MCM6: variants seen among roughly 807,000 people sequenced by gnomAD.
MCM6 encodes the protein minichromosome maintenance complex component 6, also known as DNA replication licensing factor MCM6.
A neutral mutation model predicts 94.3 loss-of-function variants in MCM6; 46 were observed. The ratio of observed to expected loss-of-function variants is 0.49; its 90% confidence interval spans 0.39 to 0.62. The LOEUF (loss-of-function observed/expected upper bound fraction) is 0.62. Ranked by LOEUF, MCM6 falls within the 20% of genes least tolerant of loss-of-function variation. The pLI is 0.00. For missense variants in MCM6, 865 were observed against 1,017.9 expected, an observed-to-expected ratio of 0.85 and a Z score of 2.04; for synonymous variants, 335 against 351.9, an observed-to-expected ratio of 0.95 and a Z score of 0.54.
intron 16 of MCM6, among the ~76,000 whole-genome samples, chr2:135,841,335 A>AC (rs4988279): frequency 0.98 from 149,474 of 152,324 alleles, 73,390 homozygotes; most frequent in East Asian, 1. Context: ...ATTTTTAATT[A>AC]TGACCACTGA....
At chr2:135,846,723 G>C (rs1575358091) in intron 14 of MCM6, among the ~76,000 whole-genome samples, 2 of 152,056 alleles carry the variant, frequency 1.3e-5, no homozygotes, top group African/African-American at 4.8e-5. Context: ...AAATAAACCG[G>C]CTAGGTGCAG....
chr2:135,867,164 T>C (rs2105589572), intron 4 of MCM6, among the ~76,000 whole-genome samples: 1 of 152,360 alleles, frequency 6.6e-6, no homozygotes, highest in East Asian at 1.9e-4. Context: ...TTTTTTACTA[T>C]GTATTTGAAC....
At chr2:135,872,443 C>T (rs866563186) in intron 2 of MCM6, among the ~76,000 whole-genome samples, 1 of 150,092 alleles carries the variant, frequency 6.7e-6, no homozygotes, top group South Asian at 2.1e-4. Flanking sequence ...GAGCAAGACT[C>T]CGTCTCAAAA....
chr2:135,856,651 G>A (rs1477386194), intron 11 of MCM6, 77 bp downstream of exon 11: 1 of 1,468,978 alleles, frequency 6.8e-7, no homozygotes, highest in South Asian at 1.3e-5. Context: ...TGCACCAGCT[G>A]TTGAGCAGTG....
Position 135,862,748 on chromosome 2 carries a change from C to T in MCM6, c.1079G>A (p.Gly360Asp), listed in dbSNP as rs1406840004. Residue 360 changes from glycine to aspartate, a missense_variant and splice_region_variant, in exon 8 of 17, where the codon GGC becomes GAC. Physicochemically the swap from Gly to Asp is moderately conservative, Grantham distance 94. This residue lies in a region of MCM6 where 404 missense variants were observed against 451.9 expected (regional missense o/e 0.89). Coordinates refer to ENST00000264156, the MANE Select transcript of MCM6 (RefSeq NM_005915.6). ...LCTSLFPTIH[G>D]NDEVKRGVLL... ...GACACCCCGTTTTACTTCATCATTG[C>T]CTGAAATGAAAAGAAGCTACAGATG... 1.9e-6 allele frequency: 3 copies of T among 1,612,630 alleles called. No individual in the cohort carries two copies. Among genetic ancestry groups the T allele is most frequent in the African/African-American group, 1.3e-5 (1 of 74,788 alleles).
At chr2:135,875,128 A>C (rs1680271647) in intron 1 of MCM6, among the ~76,000 whole-genome samples, 1 of 152,140 alleles carries the variant, frequency 6.6e-6, no homozygotes, top group Non-Finnish European at 1.5e-5. Context: ...CACTTTGGGA[A>C]GCCCAGGCGG....
rs1400310148 is a variant in MCM6 at position 135,865,097 on chromosome 2, TCA to T, written c.992_993del (p.Val331GlufsTer8). 1.9e-6 allele frequency: 3 copies of T among 1,583,096 alleles called. No individual in the cohort carries two copies. The highest frequency in any genetic ancestry group is 2.6e-6 in the Non-Finnish European group (3 of 1,165,394). ...TAESIKNQMTVKEWEKVFEMS... is the reference protein window; with the variant it reads ...TAESIKNQMTXKEWEKVFEMS... ...ATCTCAAACACTTTCTCCCATTCTTTCACAGTCATTTGGTTCTTAATGCTCTC... is the reference window on the plus strand; with the variant it reads ...ATCTCAAACACTTTCTCCCATTCTTTCAGTCATTTGGTTCTTAATGCTCTC... On this transcript the variant is annotated frameshift_variant, in exon 7 of 17. Transcript: ENST00000264156. LOFTEE classifies it high-confidence loss of function.
At chr2:135,847,917 A>G in intron 14 of MCM6, 136 bp downstream of exon 14, 1 of 609,748 alleles carries the variant, frequency 1.6e-6, no homozygotes, top group South Asian at 2.4e-5. Context: ...TAAACAGTGA[A>G]TAGAATTCAG....
chr2:135,846,272 T>A lies in MCM6; in HGVS notation c.2174A>T (p.Asn725Ile). The A allele has an allele frequency of 6.2e-7, 1 of 1,614,074 alleles. No individual in the cohort carries two copies. The highest frequency in any genetic ancestry group is 8.5e-7 in the Non-Finnish European group (1 of 1,179,998). ...LGFSEYCRIS[N>I]LIVLHLRKVE... ...CTTTCTGAGGTGAAGCACAATAAGG[T>A]TAGAGATTCGGCAGTACTCAGAGAA... Residue 725 changes from asparagine to isoleucine, a missense_variant, in exon 15 of 17, where the codon AAC (asparagine) becomes ATC (isoleucine). Asn to Ile is a moderately radical substitution (Grantham distance 149, BLOSUM62 -3). Transcript: ENST00000264156.
intron 16 of MCM6, among the ~76,000 whole-genome samples, chr2:135,842,364 C>T (rs903755053): frequency 6.6e-6 from 1 of 152,156 alleles, no homozygotes; most frequent in Non-Finnish European, 1.5e-5. Context: ...TGAGAAGACA[C>T]AACCCCAATA....
Position 135,865,025 on chromosome 2 carries a change from G to A in MCM6, c.1066C>T (p.Pro356Ser), listed in dbSNP as rs2105588018. ...LYHNLCTSLF[P>S]TIHGNDEVKR... ...ATGGAATTCTTACCATGTATAGTAG[G>A]GAACAGGCTGGTACAAAGATTGTGG... Residue 356 changes from proline (P) to serine (S), a missense_variant, in exon 7 of 17, where the codon CCT becomes TCT. This residue lies in a region of MCM6 where 404 missense variants were observed against 451.9 expected (regional missense o/e 0.89). Transcript: ENST00000264156. The A allele has an allele frequency of 1.4e-6, 2 of 1,459,472 alleles. No homozygotes were observed. Among genetic ancestry groups the A allele is most frequent in the East Asian group, 2.5e-5 (1 of 40,688 alleles). The allele number at this position is 1,459,472 out of a possible 1,614,324, so 90.4% of individuals were successfully genotyped here.
At chr2:135,854,981 C>A (rs935183885) in intron 11 of MCM6, among the ~76,000 whole-genome samples, 1 of 151,922 alleles carries the variant, frequency 6.6e-6, no homozygotes, top group Non-Finnish European at 1.5e-5. Context: ...ATGGTGAAAC[C>A]CTGTCTCTAG....
At chr2:135,860,825 A>AT (rs1481752851) in intron 8 of MCM6, among the ~76,000 whole-genome samples, 1 of 152,244 alleles carries the variant, frequency 6.6e-6, no homozygotes, top group African/African-American at 2.4e-5. Flanking sequence ...GGAATAAGAC[A>AT]TGGATGTCTG....
Position 135,862,627 on chromosome 2 carries a change from T to C in MCM6, c.1200A>G (p.Thr400=). The C allele has an allele frequency of 1.9e-6, 3 of 1,614,188 alleles. No homozygotes were observed. The highest frequency in any genetic ancestry group is 2.5e-6 in the Non-Finnish European group (3 of 1,180,028). Residue 400 remains threonine (T), a synonymous_variant, in exon 8 of 17, where the codon ACA becomes ACG. Coordinates refer to ENST00000264156, the MANE Select transcript of MCM6 (RefSeq NM_005915.6). ...CTTACTTGAGAAATTGGCTCTTAGC[T>C]GTACTTGGGTCACCAACAATGCAAA... ...INVCIVGDPS[T]AKSQFLKHVE...
intron 13 of MCM6, among the ~76,000 whole-genome samples, chr2:135,850,193 G>A (rs4988242): frequency 0.032 from 4,856 of 152,198 alleles, 277 homozygotes; most frequent in African/African-American, 0.11. Context: ...TTCAGTGACT[G>A]GGTTTAAACG....
intron 5 of MCM6, 65 bp downstream of exon 5, chr2:135,866,498 G>C: frequency 6.6e-7 from 1 of 1,508,096 alleles, no homozygotes; most frequent in Non-Finnish European, 8.9e-7. Context: ...GAAGATGTGG[G>C]AAGCTAGATA....
intron 2 of MCM6, among the ~76,000 whole-genome samples, chr2:135,870,925 GT>G (rs4988162): frequency 6.6e-6 from 1 of 151,892 alleles, no homozygotes; most frequent in South Asian, 2.1e-4. Context: ...TTTTTGTGGG[GT>G]TTTTTTTGTA....
intron 7 of MCM6, among the ~76,000 whole-genome samples, chr2:135,864,485 A>C (rs973666424): frequency 3.9e-5 from 6 of 152,072 alleles, no homozygotes; most frequent in African/African-American, 9.7e-5. Context: ...ATACACACAC[A>C]CCAACAAGGC....
intron 11 of MCM6, among the ~76,000 whole-genome samples, chr2:135,853,766 G>C (rs1208013209): frequency 6.6e-6 from 1 of 150,584 alleles, no homozygotes; most frequent in East Asian, 1.9e-4. Flanking sequence ...TATGCAACTT[G>C]CTCTCAAATG....
Sources: allele counts gnomAD v4.1 joint callset (sites outside exome capture counted in the v4.1 genomes callset), GRCh38; gene constraint gnomAD v4.1.1; regional missense constraint gnomAD v4.1.1; transcripts MANE v1.5; gene names NCBI Gene and HGNC (gene_info 2026-07-23, HGNC 2026-07-21).